Variants in ZNF704 observed in about 807,000 individuals in gnomAD.
ZNF704 encodes the protein zinc finger protein 704.
In ZNF704, 10 loss-of-function variants were observed where a neutral mutation model predicts 44.7. The ratio of observed to expected loss-of-function variants is 0.22; its 90% CI spans 0.14 to 0.38. The LOEUF (loss-of-function observed/expected upper bound fraction) is 0.38. ZNF704 is among the 10% of genes least tolerant of loss of function. ZNF704 has a pLI of 1.00. For synonymous variants in ZNF704, 211 were observed against 207.6 expected (o/e 1.02, Z -0.14); for missense variants, 390 against 545.5 (o/e 0.71, Z 2.84).
At chr8:80,845,886 A>T (rs1423637552) in intron 1 of ZNF704, among the ~76,000 whole-genome samples, 1 of 152,200 alleles carries the variant, frequency 6.6e-6, no homozygotes, top group Non-Finnish European at 1.5e-5. Flanking sequence ...GAAGATTTTA[A>T]TAAAAATTGC....
Position 80,664,740 on chromosome 8 carries a change from T to C in ZNF704, c.927+75A>G, listed in dbSNP as rs1304144303. The C allele has an allele frequency of 3.0e-5, 48 of 1,577,170 alleles. No homozygotes were observed. In the Admixed American group the frequency reaches 5.6e-4, roughly 19 times the overall value. On this transcript the variant is annotated intron_variant, in intron 6 of 8. Transcript: ENST00000327835. ...ATGCTGTTTTTCCACTGAGTTGTCT[T>C]TTACTCATAGGCCAGATGGCCCCTG... is the stretch of plus-strand genomic sequence containing the variant.
chr8:80,873,311 AG>A (rs2130083678), intron 1 of ZNF704, among the ~76,000 whole-genome samples: 1 of 152,222 alleles, frequency 6.6e-6, no homozygotes, highest in African/African-American at 2.4e-5. Context: ...ACGGCCTTTG[AG>A]GAAAGCGGGA....
chr8:80,656,914 T>C (rs556623584), intron 7 of ZNF704, among the ~76,000 whole-genome samples: 6 of 152,350 alleles, frequency 3.9e-5, no homozygotes, highest in South Asian at 4.1e-4. Context: ...TTGGACACAA[T>C]TGAAGCCATC....
At chr8:80,709,973 T>C (rs1250191356) in intron 2 of ZNF704, among the ~76,000 whole-genome samples, 1 of 152,228 alleles carries the variant, frequency 6.6e-6, no homozygotes, top group Non-Finnish European at 1.5e-5. Context: ...TAGGATCTCA[T>C]ATCTTTCAAA....
At chr8:80,707,517 T>C (rs1818916099) in intron 2 of ZNF704, among the ~76,000 whole-genome samples, 2 of 152,222 alleles carry the variant, frequency 1.3e-5, no homozygotes, top group Non-Finnish European at 2.9e-5. Context: ...TCAACTCATA[T>C]ACTCAAACTC....
chr8:80,835,835 T>C (rs1288710520), intron 1 of ZNF704, among the ~76,000 whole-genome samples: 1 of 152,222 alleles, frequency 6.6e-6, no homozygotes, highest in Non-Finnish European at 1.5e-5. Flanking sequence ...ATTTGTTTTA[T>C]ATAATTCAAA....
intron 5 of ZNF704, among the ~76,000 whole-genome samples, chr8:80,668,158 T>C (rs976782515): frequency 1.3e-5 from 2 of 152,224 alleles, no homozygotes; most frequent in Admixed American, 1.3e-4. Flanking sequence ...ATTTGTGAGT[T>C]TGTAGAGAAG....
At chr8:80,735,096 CGATCAGATCACCT>C (rs1806645130) in intron 2 of ZNF704, among the ~76,000 whole-genome samples, 1 of 152,176 alleles carries the variant, frequency 6.6e-6, no homozygotes, top group South Asian at 2.1e-4. Context: ...GAAGATCACC[CGATCAGATCACCT>C]GATCTACTTA....
intron 1 of ZNF704, among the ~76,000 whole-genome samples, chr8:80,868,544 G>C (rs889454823): frequency 2.6e-5 from 4 of 152,212 alleles, no homozygotes; most frequent in African/African-American, 7.2e-5. Flanking sequence ...ACATACTGGA[G>C]TGTGATATTT....
At chr8:80,875,282 AT>A (rs1809341398), upstream of ZNF704, among the ~76,000 whole-genome samples, 1 of 151,706 alleles carries the variant, frequency 6.6e-6, no homozygotes, top group African/African-American at 2.4e-5. Context: ...TTCTTCTTTT[AT>A]TTATTTTAAT....
intron 5 of ZNF704, among the ~76,000 whole-genome samples, chr8:80,667,222 T>C (rs1370173678): frequency 2.6e-5 from 4 of 152,122 alleles, no homozygotes; most frequent in Non-Finnish European, 5.9e-5. Flanking sequence ...GGCAAGGTCA[T>C]CCAGGGCCTG....
intron 2 of ZNF704, among the ~76,000 whole-genome samples, chr8:80,781,271 T>TA (rs1807517853): frequency 6.6e-6 from 1 of 152,206 alleles, no homozygotes; most frequent in African/African-American, 2.4e-5. Context: ...ACATTTTCTG[T>TA]AAAGGGCCAT....
intron 2 of ZNF704, among the ~76,000 whole-genome samples, chr8:80,782,454 A>G (rs1230534526): frequency 1.3e-5 from 2 of 152,144 alleles, no homozygotes; most frequent in African/African-American, 4.8e-5. Context: ...AGCTAGGGAG[A>G]TGGGGCTGCT....
intron 2 of ZNF704, among the ~76,000 whole-genome samples, chr8:80,759,565 G>A (rs1042612785): frequency 2.4e-4 from 37 of 152,250 alleles, no homozygotes; most frequent in South Asian, 4.1e-4. Context: ...CTCTGATGAC[G>A]TTGTCATGGT....
chr8:80,835,156 G>C (rs1808537883), intron 1 of ZNF704, among the ~76,000 whole-genome samples: 1 of 152,164 alleles, frequency 6.6e-6, no homozygotes, highest in Non-Finnish European at 1.5e-5. Flanking sequence ...CATTATGCAA[G>C]GGAGACACAC....
chr8:80,632,877 T>C lies in ZNF704; in HGVS notation c.*8489A>G, dbSNP rs773148623. ...TTCATTCTCCAACACTGTATTACTT[T>C]AGAAACATAATAATAAATATTATTC... On this transcript the variant is annotated 3_prime_UTR_variant, in exon 9 of 9. Transcript: ENST00000327835. The C allele has an allele frequency of 2.0e-5, 3 of 152,216 alleles. No individual in the cohort carries two copies. Among genetic ancestry groups the C allele is most frequent in the Non-Finnish European group, 2.9e-5 (2 of 68,044 alleles). 9.4% of individuals were successfully genotyped at this position (152,216 alleles called of 1,614,324 possible). A position where few individuals can be genotyped will look rare whatever the true frequency, so the allele number is the denominator to read the frequency against.
At chr8:80,752,829 C>A (rs1806970469) in intron 2 of ZNF704, among the ~76,000 whole-genome samples, 1 of 152,244 alleles carries the variant, frequency 6.6e-6, no homozygotes. Flanking sequence ...GCATGAGCCA[C>A]CGCGCCTGGC....
chr8:80,717,744 A>G (rs2131666485), intron 2 of ZNF704, among the ~76,000 whole-genome samples: 1 of 152,238 alleles, frequency 6.6e-6, no homozygotes, highest in Middle Eastern at 3.4e-3. Flanking sequence ...CAATTCTTCA[A>G]ACTGCCTCCT....
chr8:80,727,420 GGTTTTTGTTTTT>G (rs1166904489), intron 2 of ZNF704, among the ~76,000 whole-genome samples: 1 of 151,822 alleles, frequency 6.6e-6, no homozygotes, highest in South Asian at 2.1e-4. Context: ...TTCTGCAACT[GGTTTTTGTTTTT>G]GTTTTTTTTT....
Sources: allele counts gnomAD v4.1 joint callset (sites outside exome capture counted in the v4.1 genomes callset), GRCh38; gene constraint gnomAD v4.1.1; transcripts MANE v1.5; gene names NCBI Gene and HGNC (gene_info 2026-07-23, HGNC 2026-07-21).